The following KLF15 variants were observed in gnomAD, a reference collection of about 807,000 sequenced individuals.
The protein encoded by KLF15 is KLF transcription factor 15.
A neutral mutation model predicts 24.6 loss-of-function variants in KLF15; 4 were observed. The ratio of observed to expected loss-of-function variants is 0.16; its 90% CI spans 0.08 to 0.37. The LOEUF is 0.37. Among genes scored for constraint, KLF15 ranks in the 10% least tolerant of loss-of-function variants. KLF15 has a pLI of 1.00. For missense variants in KLF15, 496 were observed against 560.6 expected, an observed-to-expected ratio of 0.88 and a Z score of 1.16; for synonymous variants, 246 against 236.3, an observed-to-expected ratio of 1.04 and a Z score of -0.37.
chr3:126,303,146 C>T, the KLF15 span, among the ~76,000 whole-genome samples: 1 of 152,014 alleles, frequency 6.6e-6, no homozygotes, highest in South Asian at 2.1e-4. Flanking sequence ...GCCAAAATAC[C>T]TTGTTATTAC....
Position 126,344,652 on chromosome 3 carries a change from C to G in KLF15, c.1083-757G>C, listed in dbSNP as rs141570076. On this transcript the variant is annotated intron_variant, in intron 2 of 2. Coordinates refer to ENST00000296233, the MANE Select transcript of KLF15 (RefSeq NM_014079.4). ...ACAGGGGCATCTGTGAAGGCCTGTA[C>G]AGGACCGCCCATCCGGAGGGGAAAC... Among the ~76,000 whole-genome samples, 729 of 152,334 alleles carry G rather than the reference C, an allele frequency of 4.8e-3. 11 individuals carry two copies. Among genetic ancestry groups the G allele is most frequent in the African/African-American group, 0.017 (704 of 41,574 alleles).
chr3:126,301,604 CTTTTTCTT>C, the KLF15 span, among the ~76,000 whole-genome samples: 1 of 139,508 alleles, frequency 7.2e-6, no homozygotes, highest in African/African-American at 2.8e-5. Context: ...TTTCTTTTTT[CTTTTTCTT>C]TTTTTTTTTT....
intron 2 of KLF15, among the ~76,000 whole-genome samples, chr3:126,350,514 C>T (rs2107555726): frequency 1.3e-5 from 2 of 152,374 alleles, no homozygotes; most frequent in Middle Eastern, 3.4e-3. Context: ...CCACAACATA[C>T]ATTCCACTCA....
At chr3:126,304,206 C>A in the KLF15 span, among the ~76,000 whole-genome samples, 1 of 131,296 alleles carries the variant, frequency 7.6e-6, no homozygotes, top group African/African-American at 2.5e-5. Flanking sequence ...TGTTCTGGTA[C>A]TCAGTTAAGT....
downstream of KLF15, among the ~76,000 whole-genome samples, chr3:126,340,711 G>A (rs1206281975): frequency 6.6e-6 from 1 of 152,090 alleles, no homozygotes; most frequent in Admixed American, 6.5e-5. Context: ...ACCGTGGTGA[G>A]TCCAGGGCCC....
chr3:126,318,025 C>T, the KLF15 span, among the ~76,000 whole-genome samples: 2 of 152,160 alleles, frequency 1.3e-5, no homozygotes, highest in African/African-American at 2.4e-5. Context: ...CATGCTGGCT[C>T]TCTGTGTTCT....
the KLF15 span, among the ~76,000 whole-genome samples, chr3:126,336,032 T>A: frequency 7.4e-6 from 1 of 135,204 alleles, no homozygotes; most frequent in African/African-American, 2.8e-5. Context: ...GCCATCCCCA[T>A]CAAGCTACCA....
Position 126,352,759 on chromosome 3 carries a change from G to T in KLF15, c.164C>A (p.Pro55His), listed in dbSNP as rs755899839. Reference protein sequence around the residue: ...DASSPCSCSSPDSQALCSCYG... With the variant: ...DASSPCSCSSHDSQALCSCYG... ...GCAGGAGCAGAGGGCTTGAGAGTCGGGACTGGAACAGGAGCAGGGGCTGGA... is the reference window on the plus strand; with the variant it reads ...GCAGGAGCAGAGGGCTTGAGAGTCGTGACTGGAACAGGAGCAGGGGCTGGA... Residue 55 changes from proline (P) to histidine (H), a missense_variant, in exon 2 of 3, where the codon CCC becomes CAC. By Grantham distance (77) the Pro-to-His change is moderately conservative. This residue lies in a region of KLF15 where 399 missense variants were observed against 423.1 expected (regional missense o/e 0.94). Transcript: ENST00000296233. 1.1e-5 allele frequency: 18 copies of T among 1,573,492 alleles called. No individual in the cohort carries two copies. The South Asian group carries it at 2.1e-4, about 18-fold the overall frequency.
chr3:126,339,634 C>T (rs1464351026), downstream of KLF15, among the ~76,000 whole-genome samples: 1 of 152,222 alleles, frequency 6.6e-6, no homozygotes, highest in East Asian at 1.9e-4. Context: ...CTCCTCATGC[C>T]TTCACTGTGC....
chr3:126,322,701 T>A, the KLF15 span, among the ~76,000 whole-genome samples: 660 of 152,270 alleles, frequency 4.3e-3, 8 homozygotes, highest in African/African-American at 0.015. Flanking sequence ...AAATCATAGG[T>A]TTAAACCTCT....
chr3:126,338,198 G>A (rs2082453763), downstream of KLF15, among the ~76,000 whole-genome samples: 2 of 152,196 alleles, frequency 1.3e-5, no homozygotes, highest in African/African-American at 4.8e-5. Context: ...GGCTGGGAGA[G>A]GACAGGGAGG....
chr3:126,319,260 A>G, the KLF15 span, among the ~76,000 whole-genome samples: 28 of 152,352 alleles, frequency 1.8e-4, no homozygotes, highest in African/African-American at 6.7e-4. Context: ...ATCTGCATGC[A>G]GGTTTTTGTG....
chr3:126,350,519 C>T (rs2082574410), intron 2 of KLF15, among the ~76,000 whole-genome samples: 2 of 152,238 alleles, frequency 1.3e-5, no homozygotes, highest in South Asian at 4.1e-4. Context: ...ACATACATTC[C>T]ACTCACAGCT....
chr3:126,350,665 GCACACACAGGCAGC>G (rs2082575343), intron 2 of KLF15, among the ~76,000 whole-genome samples: 1 of 152,218 alleles, frequency 6.6e-6, no homozygotes, highest in East Asian at 1.9e-4. Context: ...CATAACACAT[GCACACACAGGCAGC>G]CACACATGGT....
At chr3:126,310,131 G>A in the KLF15 span, among the ~76,000 whole-genome samples, 872 of 152,360 alleles carry the variant, frequency 5.7e-3, 6 homozygotes, top group African/African-American at 0.02. Context: ...CATCAGGCCT[G>A]TTTATGGGGG....
chr3:126,331,184 A>T, the KLF15 span, among the ~76,000 whole-genome samples: 1 of 152,290 alleles, frequency 6.6e-6, no homozygotes, highest in Middle Eastern at 3.4e-3. Context: ...CCTCTTCTGG[A>T]TGCAGGGCCT....
downstream of KLF15, among the ~76,000 whole-genome samples, chr3:126,338,851 G>A (rs970792216): frequency 5.3e-5 from 8 of 152,292 alleles, no homozygotes; most frequent in South Asian, 2.1e-4. Flanking sequence ...TGATGGAGCC[G>A]CCTGCTACAG....
chr3:126,296,409 A>G, the KLF15 span, among the ~76,000 whole-genome samples: 138 of 152,278 alleles, frequency 9.1e-4, no homozygotes, highest in Middle Eastern at 0.01. Flanking sequence ...GGGTTTCACC[A>G]TGTTAGCCAG....
the KLF15 span, among the ~76,000 whole-genome samples, chr3:126,308,677 C>T: frequency 2.0e-5 from 3 of 152,300 alleles, no homozygotes; most frequent in Non-Finnish European, 2.9e-5. Context: ...GGCTCTCTCC[C>T]GGGGAGTGGA....
Sources: gnomAD v4.1 joint callset for allele counts (sites outside exome capture counted in the v4.1 genomes callset) on GRCh38, gnomAD v4.1.1 for gene constraint, gnomAD v4.1.1 regional missense constraint, MANE v1.5 for transcripts, NCBI Gene and HGNC (gene_info 2026-07-23, HGNC 2026-07-21) for gene names.